The following DPP10 variants were observed in gnomAD, a reference collection of about 807,000 sequenced individuals.
DPP10 encodes the protein inactive dipeptidyl peptidase 10.
In DPP10, 33 loss-of-function variants were observed where a neutral mutation model predicts 120.9. The ratio of observed to expected loss-of-function variants is 0.27; its 90% confidence interval spans 0.21 to 0.37. DPP10 has a LOEUF of 0.37. Among genes scored for constraint, DPP10 ranks in the 10% least tolerant of loss-of-function variants. DPP10 has a pLI of 1.00. For missense variants in DPP10, 816 were observed against 942.8 expected (o/e 0.87, Z 1.76); for synonymous variants, 337 against 326.1 (o/e 1.03, Z -0.36).
chr2:114,585,758 T>C (rs1690922023), intron 1 of DPP10, among the ~76,000 whole-genome samples: 1 of 152,142 alleles, frequency 6.6e-6, no homozygotes, highest in South Asian at 2.1e-4. Flanking sequence ...CCACCAGAAT[T>C]GGATTTTCTC....
intron 1 of DPP10, among the ~76,000 whole-genome samples, chr2:114,792,190 C>A (rs889625618): frequency 1.3e-5 from 2 of 152,054 alleles, no homozygotes; most frequent in African/African-American, 4.8e-5. Context: ...AACAGAAAAT[C>A]TTTAAGATAG....
intron 5 of DPP10, among the ~76,000 whole-genome samples, chr2:115,576,926 A>G (rs1231057102): frequency 1.3e-5 from 2 of 152,238 alleles, no homozygotes; most frequent in African/African-American, 2.4e-5. Context: ...TAGGGAAAGC[A>G]TTCACTATTA....
At chr2:115,676,361 C>T (rs956170137) in intron 5 of DPP10, among the ~76,000 whole-genome samples, 2 of 152,224 alleles carry the variant, frequency 1.3e-5, no homozygotes, top group Middle Eastern at 3.4e-3. Context: ...AACTGTAGGA[C>T]ACACATAGAG....
chr2:115,747,816 A>G (rs1304070781), intron 10 of DPP10, among the ~76,000 whole-genome samples: 1 of 152,066 alleles, frequency 6.6e-6, no homozygotes, highest in African/African-American at 2.4e-5. Flanking sequence ...GATGGTCTCA[A>G]TCTCTTGACC....
intron 1 of DPP10, among the ~76,000 whole-genome samples, chr2:114,936,669 C>T (rs1259208519): frequency 6.6e-6 from 1 of 151,984 alleles, no homozygotes; most frequent in East Asian, 1.9e-4. Context: ...ATCTCCACAC[C>T]TTTTTTCACT....
chr2:114,495,132 AT>A (rs1001997451), intron 1 of DPP10, among the ~76,000 whole-genome samples: 4 of 152,176 alleles, frequency 2.6e-5, no homozygotes, highest in Admixed American at 1.3e-4. Flanking sequence ...AGTAAAAAAA[AT>A]GTGAACGTTT....
intron 1 of DPP10, among the ~76,000 whole-genome samples, chr2:114,750,561 C>G (rs1259254346): frequency 1.3e-5 from 2 of 152,054 alleles, no homozygotes; most frequent in African/African-American, 2.4e-5. Context: ...TCTCGATCTC[C>G]TAACCTCGTG....
intron 5 of DPP10, among the ~76,000 whole-genome samples, chr2:115,682,954 G>T (rs897681497): frequency 6.6e-6 from 1 of 151,812 alleles, no homozygotes; most frequent in African/African-American, 2.4e-5. Context: ...CCAAAGAAAA[G>T]TATAAATAGT....
chr2:114,769,403 T>C (rs1002313264), intron 1 of DPP10, among the ~76,000 whole-genome samples: 1 of 152,070 alleles, frequency 6.6e-6, no homozygotes, highest in East Asian at 1.9e-4. Flanking sequence ...TGGTGTGATA[T>C]TGAAAAAAAT....
intron 1 of DPP10, among the ~76,000 whole-genome samples, chr2:114,943,061 C>G (rs888847098): frequency 6.6e-6 from 1 of 152,064 alleles, no homozygotes; most frequent in Admixed American, 6.6e-5. Flanking sequence ...CCCTCCACCC[C>G]CCAGCAGGCC....
intron 5 of DPP10, among the ~76,000 whole-genome samples, chr2:115,632,516 G>A (rs965295600): frequency 6.6e-6 from 1 of 152,074 alleles, no homozygotes; most frequent in Non-Finnish European, 1.5e-5. Flanking sequence ...TCCTACAATA[G>A]CTCTTACAAG....
At chr2:114,608,073 C>A (rs1692960491) in intron 1 of DPP10, among the ~76,000 whole-genome samples, 1 of 152,210 alleles carries the variant, frequency 6.6e-6, no homozygotes, top group Non-Finnish European at 1.5e-5. Context: ...CTTCCTAAAG[C>A]CCTGGTCATT....
At chr2:114,775,289 C>A (rs1474985316) in intron 1 of DPP10, among the ~76,000 whole-genome samples, 1 of 152,148 alleles carries the variant, frequency 6.6e-6, no homozygotes, top group Admixed American at 6.5e-5. Flanking sequence ...CCAGGAGAAT[C>A]TACCTCCAGA....
At chr2:115,300,899 T>C (rs929147927) in intron 1 of DPP10, among the ~76,000 whole-genome samples, 1 of 152,050 alleles carries the variant, frequency 6.6e-6, no homozygotes, top group Non-Finnish European at 1.5e-5. Context: ...TTTCTTTATA[T>C]GCCTTGTGAT....
At chr2:115,217,638 A>T (rs2056910011) in intron 1 of DPP10, among the ~76,000 whole-genome samples, 1 of 152,154 alleles carries the variant, frequency 6.6e-6, no homozygotes, top group Admixed American at 6.6e-5. Flanking sequence ...ATCTTATTTT[A>T]CTTCAATTTC....
At chr2:115,471,333 A>G (rs1517367) in intron 3 of DPP10, among the ~76,000 whole-genome samples, 28,796 of 152,054 alleles carry the variant, frequency 0.19, 3,624 homozygotes, top group East Asian at 0.39. Context: ...ATACATGACT[A>G]CTTATTGCCA....
intron 5 of DPP10, among the ~76,000 whole-genome samples, chr2:115,649,442 T>A (rs2087559044): frequency 1.3e-5 from 2 of 152,170 alleles, no homozygotes; most frequent in South Asian, 4.1e-4. Flanking sequence ...TTTTTATATG[T>A]CAGTCTTCAT....
intron 1 of DPP10, among the ~76,000 whole-genome samples, chr2:114,892,016 T>G (rs962908478): frequency 3.3e-5 from 5 of 152,158 alleles, no homozygotes; most frequent in African/African-American, 1.2e-4. Context: ...CTCCATGAAG[T>G]AGGACCCTTT....
chr2:114,767,108 A>G (rs1377259632), intron 1 of DPP10, among the ~76,000 whole-genome samples: 1 of 149,452 alleles, frequency 6.7e-6, no homozygotes, highest in East Asian at 1.9e-4. Flanking sequence ...AACTAGAAAA[A>G]AAAAAAAAAA....
Sources: gnomAD v4.1 joint callset for allele counts (sites outside exome capture counted in the v4.1 genomes callset) on GRCh38, gnomAD v4.1.1 for gene constraint, MANE v1.5 for transcripts, NCBI Gene and HGNC (gene_info 2026-07-23, HGNC 2026-07-21) for gene names.